The following PPP1R17 variants were observed in gnomAD, a reference collection of about 807,000 sequenced individuals.
PPP1R17 encodes the protein G-substrate.
PPP1R17 carries 12 observed loss-of-function variants against 15.9 expected under a neutral mutation model. That is an observed-to-expected ratio of 0.75 (90% CI 0.48 to 1.22). PPP1R17 has a LOEUF of 1.22. Among genes scored for constraint, PPP1R17 ranks in the 50% most tolerant of loss-of-function variants. The pLI is 0.00. For missense variants in PPP1R17, 211 were observed against 187.3 expected (o/e 1.13, Z -0.74); for synonymous variants, 63 against 64.5 (o/e 0.98, Z 0.11).
chr7:31,704,796 G>A (rs1792997854), intron 4 of PPP1R17, among the ~76,000 whole-genome samples: 1 of 152,208 alleles, frequency 6.6e-6, no homozygotes, highest in Non-Finnish European at 1.5e-5. Context: ...CATAGGCAAA[G>A]CTTTCTGGCT....
chr7:31,696,901 G>A, intron 3 of PPP1R17, 64 bp from the exon 4 acceptor site: 2 of 1,533,778 alleles, frequency 1.3e-6, no homozygotes, highest in Non-Finnish European at 1.8e-6. Context: ...AATATGCACA[G>A]TCCTCATATA....
At chr7:31,706,633 A>C in intron 4 of PPP1R17, among the ~76,000 whole-genome samples, 1 of 152,210 alleles carries the variant, frequency 6.6e-6, no homozygotes, top group Non-Finnish European at 1.5e-5. Flanking sequence ...CCCTGGATGT[A>C]GTAAAATGCT....
intron 4 of PPP1R17, among the ~76,000 whole-genome samples, chr7:31,703,448 A>C (rs1262665386): frequency 6.6e-6 from 1 of 152,216 alleles, no homozygotes; most frequent in Non-Finnish European, 1.5e-5. Context: ...TGGGGTGGGA[A>C]GGGGGAGAGG....
Position 31,708,270 on chromosome 7 carries a change from A to G in PPP1R17, c.*987A>G, listed in dbSNP as rs1370620995. The G allele has an allele frequency of 6.6e-6, 1 of 152,250 alleles. No individual in the cohort carries two copies. Among genetic ancestry groups the G allele is most frequent in the Non-Finnish European group, 1.5e-5 (1 of 68,048 alleles). The allele number at this position is 152,250 out of a possible 1,614,324, so 9.4% of individuals were successfully genotyped here. A position where few individuals can be genotyped will look rare whatever the true frequency, so the allele number is the denominator to read the frequency against. On this transcript the variant is annotated 3_prime_UTR_variant, in exon 5 of 5. Transcript: ENST00000342032. ...AGGCCTCATCCACCAGGCAATAGAC[A>G]GGAGAGAGGTGAGAACTATTTTTAG...
intron 3 of PPP1R17, chr7:31,695,877 C>G (rs765317011): frequency 3.4e-6 from 1 of 294,442 alleles, no homozygotes; most frequent in Non-Finnish European, 6.2e-6. Context: ...GAGGCAAGCT[C>G]TGCTTCAAAG....
chr7:31,693,762 T>C (rs34172), intron 2 of PPP1R17, among the ~76,000 whole-genome samples: 64,292 of 152,102 alleles, frequency 0.42, 14,857 homozygotes, highest in East Asian at 0.68. Flanking sequence ...GAAATTTACC[T>C]GAATAGTTTT....
chr7:31,689,887 C>T (rs1339247944), intron 1 of PPP1R17, among the ~76,000 whole-genome samples: 1 of 152,200 alleles, frequency 6.6e-6, no homozygotes, highest in Non-Finnish European at 1.5e-5. Context: ...AATTGTCTCT[C>T]AGCCCCTTAG....
In PPP1R17 at chr7:31,707,103, G is replaced by T. The variant is rs931511366; in HGVS notation, c.389-101G>T. The T allele has an allele frequency of 4.0e-5, 42 of 1,041,046 alleles. 1 individual carries two copies. In the South Asian group the frequency reaches 5.7e-4, roughly 14 times the overall value. The allele number at this position is 1,041,046 out of a possible 1,614,324, so 64.5% of individuals were successfully genotyped here. ...CAGGTAACCTTGTAGACACTAAGAG[G>T]TTTCTGGGTTGCCATGCTCCTTTGT... On this transcript the variant is annotated intron_variant, in intron 4 of 4. Transcript: ENST00000342032.
At chr7:31,690,342 C>T (rs548891833) in intron 1 of PPP1R17, among the ~76,000 whole-genome samples, 1 of 152,172 alleles carries the variant, frequency 6.6e-6, no homozygotes, top group South Asian at 2.1e-4. Flanking sequence ...TTACTCCACC[C>T]AGTAGGTATT....
intron 4 of PPP1R17, among the ~76,000 whole-genome samples, chr7:31,702,607 C>A (rs1170461659): frequency 6.6e-6 from 1 of 152,204 alleles, no homozygotes; most frequent in East Asian, 1.9e-4. Context: ...ATACCCAAAA[C>A]TTTGTCATCT....
At chr7:31,704,830 T>A (rs1792999235) in intron 4 of PPP1R17, among the ~76,000 whole-genome samples, 1 of 152,294 alleles carries the variant, frequency 6.6e-6, no homozygotes, top group East Asian at 1.9e-4. Context: ...ATCCCTTTAA[T>A]GGTGCACCTC....
chr7:31,707,130 C>A, intron 4 of PPP1R17, 74 bp from the exon 5 acceptor site: 1 of 1,388,704 alleles, frequency 7.2e-7, no homozygotes, highest in Non-Finnish European at 1.0e-6. Context: ...CTCCTTTGTA[C>A]TGTGTCTGTC....
chr7:31,687,560 T>A (rs35469495), intron 1 of PPP1R17, among the ~76,000 whole-genome samples: 207 of 152,322 alleles, frequency 1.4e-3, no homozygotes, highest in Non-Finnish European at 2.2e-3. Flanking sequence ...AGTTGGTGTA[T>A]CTGCATATTC....
intron 4 of PPP1R17, among the ~76,000 whole-genome samples, chr7:31,704,812 G>A (rs1792999002): frequency 1.3e-5 from 2 of 152,166 alleles, no homozygotes; most frequent in Non-Finnish European, 2.9e-5. Flanking sequence ...TGGCTTCAGG[G>A]TCTGCATATC....
rs111887047 is a variant in PPP1R17 at position 31,696,633 on chromosome 7, C to T, written c.236-332C>T. ...TGGAGGCAGAAAAACTTGGGCTCAA[C>T]TGCTCTGTGACACCTATGAGCTGTA... On this transcript the variant is annotated intron_variant, in intron 3 of 4. Coordinates refer to ENST00000342032, the MANE Select transcript of PPP1R17 (RefSeq NM_006658.5). Among the ~76,000 whole-genome samples, 740 of 152,290 alleles carry T rather than the reference C, an allele frequency of 4.9e-3. 8 individuals carry two copies. Among genetic ancestry groups the T allele is most frequent in the African/African-American group, 0.016 (676 of 41,558 alleles).
intron 3 of PPP1R17, 114 bp downstream of exon 3, chr7:31,695,735 T>C: frequency 9.8e-7 from 1 of 1,022,628 alleles, no homozygotes; most frequent in Non-Finnish European, 1.4e-6. Flanking sequence ...ATTTGTGCAC[T>C]CCCCACCTCT....
intron 1 of PPP1R17, among the ~76,000 whole-genome samples, chr7:31,688,790 A>G (rs1792214968): frequency 6.6e-6 from 1 of 152,228 alleles, no homozygotes; most frequent in South Asian, 2.1e-4. Context: ...CTGAAATCAT[A>G]TCTCTTGGTC....
chr7:31,696,598 G>A (rs1410557275), intron 3 of PPP1R17, among the ~76,000 whole-genome samples: 1 of 152,184 alleles, frequency 6.6e-6, no homozygotes, highest in Non-Finnish European at 1.5e-5. Context: ...TGGCTGAAGA[G>A]GATGAGATTT....
At position 31,697,040 on chromosome 7, in the gene PPP1R17, T is replaced by A. The variant is rs1250976041; in HGVS notation, c.311T>A (p.Leu104His). 6.2e-7 allele frequency: 1 copy of A among 1,614,190 alleles called. No homozygotes were observed. Among genetic ancestry groups the A allele is most frequent in the Non-Finnish European group, 8.5e-7 (1 of 1,180,020 alleles). The change falls in exon 4 of 5, where the codon CTT becomes CAT. Residue 104 changes from leucine to histidine, a missense_variant. Leu to His is a moderately conservative substitution (Grantham distance 99, BLOSUM62 -3). Transcript: ENST00000342032. ...RHPKGKMIPVLHNTDLEQKKP... is the reference protein window; with the variant it reads ...RHPKGKMIPVHHNTDLEQKKP... ...CCAAAGGGCAAAATGATCCCTGTTC[T>A]TCATAACACTGACCTGGAACAGAAA...
Sources: allele counts gnomAD v4.1 joint callset (sites outside exome capture counted in the v4.1 genomes callset), GRCh38; gene constraint gnomAD v4.1.1; transcripts MANE v1.5; gene names NCBI Gene and HGNC (gene_info 2026-07-23, HGNC 2026-07-21).